The following CACNA2D3 variants were observed in gnomAD, a reference collection of about 807,000 sequenced individuals.
CACNA2D3 encodes the protein calcium voltage-gated channel auxiliary subunit alpha2delta 3.
CACNA2D3 carries 60 observed loss-of-function variants against 160.6 expected under a neutral mutation model. The ratio of observed to expected loss-of-function variants is 0.37; its 90% CI spans 0.30 to 0.46. The LOEUF (loss-of-function observed/expected upper bound fraction) is 0.46, where lower values mean the gene tolerates loss of function less well. CACNA2D3 is among the 20% of genes least tolerant of loss of function. CACNA2D3 has a pLI of 1.00. For synonymous variants in CACNA2D3, 558 were observed against 492.9 expected, an observed-to-expected ratio of 1.13 and a Z score of -1.75; for missense variants, 1,205 against 1,365.0, an observed-to-expected ratio of 0.88 and a Z score of 1.85.
intron 35 of CACNA2D3, among the ~76,000 whole-genome samples, chr3:55,027,634 A>C (rs1575442012): frequency 1.3e-5 from 2 of 152,334 alleles, no homozygotes; most frequent in East Asian, 3.9e-4. Flanking sequence ...CCAACTTTGT[A>C]GGTAACTTCA....
chr3:54,895,162 G>A lies in CACNA2D3; in HGVS notation c.2247-1587G>A, dbSNP rs181799041. On this transcript the variant is annotated intron_variant, in intron 25 of 37. Transcript: ENST00000474759. Reference sequence around the variant, plus strand: ...ATTAACAAAGTAGAGCACTTATGAAGACGGCCATAGAAAGGAATTTAAACA... The same window carrying A: ...ATTAACAAAGTAGAGCACTTATGAAAACGGCCATAGAAAGGAATTTAAACA... Among the ~76,000 whole-genome samples the A allele has an allele frequency of 1.3e-4, 20 of 152,224 alleles. No homozygotes were observed. The East Asian group carries it at 3.9e-3, about 29-fold the overall frequency.
intron 4 of CACNA2D3, among the ~76,000 whole-genome samples, chr3:54,412,366 T>G (rs1462657355): frequency 6.6e-6 from 1 of 152,120 alleles, no homozygotes; most frequent in Non-Finnish European, 1.5e-5. Context: ...TGGATTTGTT[T>G]ATCTGTTTAG....
intron 3 of CACNA2D3, among the ~76,000 whole-genome samples, chr3:54,349,003 C>T (rs982112206): frequency 2.6e-5 from 4 of 152,206 alleles, no homozygotes; most frequent in African/African-American, 4.8e-5. Context: ...GCTGGGATTA[C>T]AGGCATGAGC....
rs79636605 is a variant in CACNA2D3 at position 54,369,420 on chromosome 3, G to A, written c.322-17295G>A. On this transcript the variant is annotated intron_variant, in intron 3 of 37. Transcript: ENST00000474759. Reference sequence around the variant, plus strand: ...GACACTGCTTTAAGTGACTGCCGGCGGGCCTGAGGAACCGGACAAGTCAGG... The same window carrying A: ...GACACTGCTTTAAGTGACTGCCGGCAGGCCTGAGGAACCGGACAAGTCAGG... 9.7e-4 allele frequency among the ~76,000 whole-genome samples: 147 copies of A among 152,252 alleles called. 1 individual carries two copies. Among genetic ancestry groups the A allele is most frequent in the African/African-American group, 3.5e-3 (146 of 41,544 alleles).
At chr3:55,024,483 C>G (rs1444881059) in intron 35 of CACNA2D3, among the ~76,000 whole-genome samples, 1 of 152,046 alleles carries the variant, frequency 6.6e-6, no homozygotes, top group African/African-American at 2.4e-5. Context: ...CATGAGGTCT[C>G]TGCCCTTATG....
At chr3:54,406,049 T>G (rs1699570062) in intron 4 of CACNA2D3, among the ~76,000 whole-genome samples, 1 of 152,054 alleles carries the variant, frequency 6.6e-6, no homozygotes, top group Non-Finnish European at 1.5e-5. Context: ...AAAAGACAAG[T>G]GTTGGTGAGG....
chr3:54,861,238 A>G (rs1238302499), intron 17 of CACNA2D3, among the ~76,000 whole-genome samples: 3 of 152,168 alleles, frequency 2.0e-5, no homozygotes, highest in South Asian at 2.1e-4. Context: ...CCAGGTCAGG[A>G]CAGACCTCCA....
At chr3:54,181,209 C>T (rs1700775618) in intron 2 of CACNA2D3, among the ~76,000 whole-genome samples, 1 of 152,116 alleles carries the variant, frequency 6.6e-6, no homozygotes, top group South Asian at 2.1e-4. Context: ...TAAGGAGGCA[C>T]TTTATAAATA....
chr3:54,151,107 A>G (rs1179770970), intron 2 of CACNA2D3, among the ~76,000 whole-genome samples: 1 of 151,248 alleles, frequency 6.6e-6, no homozygotes. Flanking sequence ...TAATGGGTGG[A>G]TGGGTGAATG....
intron 1 of CACNA2D3, among the ~76,000 whole-genome samples, chr3:54,123,049 A>G (rs557967743): frequency 7.2e-5 from 11 of 151,972 alleles, no homozygotes; most frequent in African/African-American, 2.7e-4. Context: ...AGATCTGGAG[A>G]GGCTCACCTC....
intron 11 of CACNA2D3, among the ~76,000 whole-genome samples, chr3:54,701,816 C>T (rs574381718): frequency 7.9e-5 from 12 of 151,954 alleles, no homozygotes; most frequent in Admixed American, 2.6e-4. Context: ...GAATAAAGCC[C>T]GAGACATCAC....
chr3:54,657,955 T>C (rs1235378038), intron 11 of CACNA2D3, among the ~76,000 whole-genome samples: 1 of 152,180 alleles, frequency 6.6e-6, no homozygotes. Flanking sequence ...GAGGTGGAAG[T>C]TGCAATGAGC....
intron 35 of CACNA2D3, among the ~76,000 whole-genome samples, chr3:55,057,189 T>A (rs1027184031): frequency 3.3e-5 from 5 of 152,202 alleles, no homozygotes; most frequent in Non-Finnish European, 7.3e-5. Flanking sequence ...GCCATGATTG[T>A]GAGGCCTCCC....
At chr3:54,282,119 C>T (rs1165257759) in intron 2 of CACNA2D3, among the ~76,000 whole-genome samples, 2 of 152,098 alleles carry the variant, frequency 1.3e-5, no homozygotes, top group Non-Finnish European at 2.9e-5. Flanking sequence ...AAATGGAAAA[C>T]ATATGACAGA....
chr3:54,992,301 T>C (rs1326101917), intron 31 of CACNA2D3, among the ~76,000 whole-genome samples: 1 of 152,166 alleles, frequency 6.6e-6, no homozygotes, highest in African/African-American at 2.4e-5. Context: ...AAAATAATTA[T>C]TCATATACCT....
intron 4 of CACNA2D3, among the ~76,000 whole-genome samples, chr3:54,458,006 A>T (rs1215668321): frequency 2.0e-5 from 3 of 151,978 alleles, no homozygotes; most frequent in Non-Finnish European, 4.4e-5. Context: ...GGCAGCATAT[A>T]GTTGGGTTGT....
At chr3:54,741,861 T>C (rs906061707) in intron 11 of CACNA2D3, among the ~76,000 whole-genome samples, 10 of 151,970 alleles carry the variant, frequency 6.6e-5, no homozygotes, top group Non-Finnish European at 1.5e-5. Flanking sequence ...TGTATTTTCA[T>C]ATAAATTTAT....
intron 2 of CACNA2D3, among the ~76,000 whole-genome samples, chr3:54,289,371 A>G (rs1703122209): frequency 6.6e-6 from 1 of 152,158 alleles, no homozygotes; most frequent in South Asian, 2.1e-4. Context: ...GACCTCTTCA[A>G]GGAGAACTAC....
At chr3:54,241,578 T>C (rs936370540) in intron 2 of CACNA2D3, among the ~76,000 whole-genome samples, 1 of 152,180 alleles carries the variant, frequency 6.6e-6, no homozygotes, top group Non-Finnish European at 1.5e-5. Context: ...GTATGCCCAA[T>C]TCAAATTGCA....
Sources: gnomAD v4.1 joint callset for allele counts (sites outside exome capture counted in the v4.1 genomes callset) on GRCh38, gnomAD v4.1.1 for gene constraint, MANE v1.5 for transcripts, NCBI Gene and HGNC (gene_info 2026-07-23, HGNC 2026-07-21) for gene names.